CC2D1A: variants seen among roughly 807,000 people sequenced by gnomAD.
The protein encoded by CC2D1A is coiled-coil and C2 domain-containing protein 1A.
CC2D1A carries 68 observed loss-of-function variants against 123.8 expected under a neutral mutation model. The observed-to-expected ratio is 0.55, with a 90% CI of 0.45 to 0.67. The LOEUF is 0.67. CC2D1A is among the 30% of genes least tolerant of loss of function. CC2D1A has a pLI of 0.00. For missense variants in CC2D1A, 1,185 were observed against 1,290.3 expected, an observed-to-expected ratio of 0.92 and a Z score of 1.25; for synonymous variants, 477 against 528.0, an observed-to-expected ratio of 0.90 and a Z score of 1.32.
chr19:13,906,569 C>A lies in CC2D1A; in HGVS notation c.60+68C>A. 9.4e-7 allele frequency: 1 copy of A among 1,061,204 alleles called. No individual in the cohort carries two copies. Among genetic ancestry groups the A allele is most frequent in the Non-Finnish European group, 1.3e-6 (1 of 777,176 alleles). 65.7% of individuals were successfully genotyped at this position (1,061,204 alleles called of 1,614,324 possible). The stretch of plus-strand genomic sequence containing the variant: ...CCCCCGTCACTCGCTCAGGGAAGGG[C>A]CCCACCCCCCAGGGAAGCCCGATCT... On this transcript the variant is annotated intron_variant, in intron 1 of 28. Coordinates refer to ENST00000318003, the MANE Select transcript of CC2D1A (RefSeq NM_017721.5). The surrounding 1 kb of genome is among the most constrained non-coding windows in gnomAD (Gnocchi z 4.1).
chr19:13,913,190 C>A lies in CC2D1A; in HGVS notation c.401C>A (p.Pro134Gln). Residue 134 changes from proline (P) to glutamine (Q), a missense_variant, in exon 5 of 29, where the codon CCG (proline) becomes CAG (glutamine). Physicochemically the swap from Pro to Gln is moderately conservative, Grantham distance 76. Coordinates refer to ENST00000318003, the MANE Select transcript of CC2D1A (RefSeq NM_017721.5). ...CAGCCGAAGCCTGAGGCCCCTCATC[C>A]GGGGCTGGAGACCACCTTGCAGGAG... ...VAQPKPEAPHPGLETTLQERL... is the reference protein window; with the variant it reads ...VAQPKPEAPHQGLETTLQERL... 6.2e-7 allele frequency: 1 copy of A among 1,612,018 alleles called. No individual in the cohort carries two copies. Among genetic ancestry groups the A allele is most frequent in the South Asian group, 1.1e-5 (1 of 90,804 alleles).
chr19:13,926,252 C>T (rs1476004408), intron 17 of CC2D1A, among the ~76,000 whole-genome samples: 1 of 151,726 alleles, frequency 6.6e-6, no homozygotes, highest in Admixed American at 6.6e-5. Context: ...GAATATCACC[C>T]AGCAGCTAGG....
At position 13,930,293 on chromosome 19, in the gene CC2D1A, A is replaced by G; in HGVS notation, c.2835+4A>G. On this transcript the variant is annotated splice_donor_region_variant and intron_variant, in intron 28 of 28. Transcript: ENST00000318003. The surrounding 1 kb of genome is among the most constrained non-coding windows in gnomAD (Gnocchi z 6.8). ...GCGGAATCTGGTAGAGAGTGAGGTA[A>G]GCAGCTTAGGAGATGGGGTGGTTGG... 6.2e-7 allele frequency: 1 copy of G among 1,613,864 alleles called. No homozygotes were observed. Among genetic ancestry groups the G allele is most frequent in the Non-Finnish European group, 8.5e-7 (1 of 1,179,854 alleles).
At chr19:13,909,981 A>G in intron 2 of CC2D1A, 23 bp downstream of exon 2, 1 of 1,503,162 alleles carries the variant, frequency 6.7e-7, no homozygotes, top group South Asian at 1.4e-5. Flanking sequence ...ACACACCCTC[A>G]GAACATTTTC....
Position 13,913,546 on chromosome 19 carries a change from C to T in CC2D1A, c.656C>T (p.Ala219Val), listed in dbSNP as rs773188635. The stretch of plus-strand genomic sequence containing the variant: ...CCCACCCAGCCGGCCCCTAGAATCG[C>T]GTCAGCCCCAGAGCCCAGGGTCACC... ...PAPTQPAPRI[A>V]SAPEPRVTLE... Residue 219 changes from alanine to valine, a missense_variant, in exon 6 of 29, where the codon GCG becomes GTG. Physicochemically the swap from Ala to Val is moderately conservative, Grantham distance 64. Coordinates refer to ENST00000318003, the MANE Select transcript of CC2D1A (RefSeq NM_017721.5). 4.3e-6 allele frequency: 7 copies of T among 1,614,032 alleles called. No individual in the cohort carries two copies. Among genetic ancestry groups the T allele is most frequent in the Admixed American group, 1.7e-5 (1 of 60,006 alleles).
rs1487925345 is a variant in CC2D1A at position 13,923,330 on chromosome 19, C to G, written c.1642-3C>G. 1 of 1,603,868 alleles carries G rather than the reference C, an allele frequency of 6.2e-7. No homozygotes were observed. The highest frequency in any genetic ancestry group is 8.5e-7 in the Non-Finnish European group (1 of 1,178,700). On this transcript the variant is annotated splice_region_variant and splice_polypyrimidine_tract_variant and intron_variant, in intron 14 of 28. Transcript: ENST00000318003. This position sits in a 1 kb window ranked among gnomAD's most constrained non-coding sequence, Gnocchi z 5.3. Reference sequence around the variant, plus strand: ...CCCCCGCCACCAGCCTCGTCCTCCCCAGGTGCCGCCTGCCCCTGTCAACAA... The same window carrying G: ...CCCCCGCCACCAGCCTCGTCCTCCCGAGGTGCCGCCTGCCCCTGTCAACAA...
Position 13,906,410 on chromosome 19 carries a change from G to C in CC2D1A, c.-32G>C, listed in dbSNP as rs1234001089. The C allele has an allele frequency of 1.3e-6, 2 of 1,503,162 alleles. No individual in the cohort carries two copies. The highest frequency in any genetic ancestry group is 1.8e-6 in the Non-Finnish European group (2 of 1,127,242). The allele number at this position is 1,503,162 out of a possible 1,614,324, so 93.1% of individuals were successfully genotyped here. On this transcript the variant is annotated 5_prime_UTR_variant, in exon 1 of 29. Transcript: ENST00000318003. The surrounding 1 kb of genome is among the most constrained non-coding windows in gnomAD (Gnocchi z 4.1). ...AGGAGGCAGGGCAAGGCCGGGCTTGGGGGCAGGTGGTCCGGGCATCCAGCC... is the reference window on the plus strand; with the variant it reads ...AGGAGGCAGGGCAAGGCCGGGCTTGCGGGCAGGTGGTCCGGGCATCCAGCC...
At position 13,928,014 on chromosome 19, in the gene CC2D1A, C is replaced by G; in HGVS notation, c.2438C>G (p.Pro813Arg). The change falls in exon 23 of 29, where the codon CCG becomes CGG. Residue 813 changes from proline (P) to arginine (R), a missense_variant. By Grantham distance (103) the Pro-to-Arg change is moderately radical. Transcript: ENST00000318003. ...AGGTGGCTGGTCATTGACCCTGTGC[C>G]GGCAGCTGTGCCCACAGTGAGACCC... is the stretch of plus-strand genomic sequence containing the variant. ...TERWLVIDPV[P>R]AAVPTQVAGP... 1 of 1,613,590 alleles carries G rather than the reference C, an allele frequency of 6.2e-7. No individual in the cohort carries two copies. The highest frequency in any genetic ancestry group is 8.5e-7 in the Non-Finnish European group (1 of 1,179,844).
chr19:13,926,119 C>T (rs952727351), intron 17 of CC2D1A, among the ~76,000 whole-genome samples: 3 of 148,726 alleles, frequency 2.0e-5, no homozygotes, highest in Non-Finnish European at 3.0e-5. Context: ...GGTCCCCCAG[C>T]AGCTGGGGTA....
intron 22 of CC2D1A, 61 bp from the exon 23 acceptor site, chr19:13,927,831 TG>T: frequency 6.5e-7 from 1 of 1,533,466 alleles, no homozygotes; most frequent in Non-Finnish European, 8.9e-7. Context: ...TCCCTTGTCC[TG>T]GCCCTGGGCC....
intron 14 of CC2D1A, among the ~76,000 whole-genome samples, chr19:13,922,032 C>T (rs534245877): frequency 3.9e-5 from 6 of 152,296 alleles, no homozygotes; most frequent in South Asian, 4.1e-4. Context: ...GACGGAGTCT[C>T]GCCCTGTCAT....
intron 2 of CC2D1A, 45 bp from the exon 3 acceptor site, chr19:13,912,278 T>C (rs962878611): frequency 1.3e-6 from 2 of 1,532,960 alleles, no homozygotes; most frequent in Admixed American, 4.1e-5. Context: ...ATGGGGGCTC[T>C]TGGTGTACGA....
In CC2D1A at chr19:13,913,873, T is replaced by G. The variant is rs546816584; in HGVS notation, c.748+235T>G. 3.1e-4 allele frequency among the ~76,000 whole-genome samples: 47 copies of G among 152,300 alleles called. 1 individual carries two copies. Among genetic ancestry groups the G allele is most frequent in the African/African-American group, 9.4e-4 (39 of 41,566 alleles). On this transcript the variant is annotated intron_variant, in intron 6 of 28. Transcript: ENST00000318003. ...ATAAAATATAGATCACATTTGCCAT[T>G]AAAAATTATTTTAGTTCTTTTTTTT...
chr19:13,919,174 G>A lies in CC2D1A; in HGVS notation c.1194G>A (p.Val398=). The A allele has an allele frequency of 6.2e-7, 1 of 1,612,970 alleles. No homozygotes were observed. ...GAGCCCACAAGGCTGGCCGAGCCGT[G>A]GATGTCGCTGAATTGCCCGTGCCCC... is the stretch of plus-strand genomic sequence containing the variant. ...AIRAHKAGRA[V]DVAELPVPPG... is the part of the protein sequence containing the mutation. The change falls in exon 11 of 29, where the codon GTG becomes GTA. Residue 398 remains valine, a synonymous_variant. Coordinates refer to ENST00000318003, the MANE Select transcript of CC2D1A (RefSeq NM_017721.5).
rs527920434 is a variant in CC2D1A at position 13,924,215 on chromosome 19, GGCTGGAGTGCAGGGGTGTGATCT to G, written c.1940+405_1940+427del. Among the ~76,000 whole-genome samples the G allele has an allele frequency of 7.0e-3, 1,065 of 152,098 alleles. 7 individuals are homozygous for G. Among genetic ancestry groups the G allele is most frequent in the Non-Finnish European group, 0.012 (827 of 67,990 alleles). On this transcript the variant is annotated intron_variant, in intron 17 of 28. Coordinates refer to ENST00000318003, the MANE Select transcript of CC2D1A (RefSeq NM_017721.5). ...AGACAGAGTCTCACTCTGTTGCCCA[GGCTGGAGTGCAGGGGTGTGATCT>G]CTGCTCACTGCAAGCTCCACCTCCT... is the stretch of plus-strand genomic sequence containing the variant.
At chr19:13,918,608 T>C in intron 8 of CC2D1A, 32 bp downstream of exon 8, 1 of 1,608,698 alleles carries the variant, frequency 6.2e-7, no homozygotes, top group Non-Finnish European at 8.5e-7. Flanking sequence ...CTCTCTGGGA[T>C]GGTTTCAGGC....
rs1971842171 is a variant in CC2D1A, at chr19:13,930,075, C to T, written c.2711-3C>T. 1.9e-6 allele frequency: 3 copies of T among 1,612,676 alleles called. No homozygotes were observed. Among genetic ancestry groups the T allele is most frequent in the South Asian group, 1.1e-5 (1 of 90,968 alleles). ...CCTCCATTCCCCCGCCATCCATTCT[C>T]AGAATACGCAGCCCAGCTGGAGCGG... is the stretch of plus-strand genomic sequence containing the variant. On this transcript the variant is annotated splice_polypyrimidine_tract_variant and splice_region_variant and intron_variant, in intron 26 of 28. Transcript: ENST00000318003. This position sits in a 1 kb window ranked among gnomAD's most constrained non-coding sequence, Gnocchi z 6.8.
intron 6 of CC2D1A, among the ~76,000 whole-genome samples, chr19:13,914,660 CAG>C (rs1265989938): frequency 2.8e-5 from 4 of 144,934 alleles, no homozygotes; most frequent in East Asian, 4.1e-4. Flanking sequence ...TTTTTTGAAA[CAG>C]AGTCTCACTC....
chr19:13,923,624 T>TG lies in CC2D1A; in HGVS notation c.1823+19dup. Reference sequence around the variant, plus strand: ...ACCACCAAGTAAGTGCCCTGACCTGTGCCAGACACTTGCACCCCCAGCCAC... The same window carrying TG: ...ACCACCAAGTAAGTGCCCTGACCTGTGGCCAGACACTTGCACCCCCAGCCAC... On this transcript the variant is annotated intron_variant, in intron 16 of 28. Transcript: ENST00000318003. This position sits in a 1 kb window ranked among gnomAD's most constrained non-coding sequence, Gnocchi z 5.3. 1 of 1,614,008 alleles carries TG rather than the reference T, an allele frequency of 6.2e-7. No individual in the cohort carries two copies. Among genetic ancestry groups the TG allele is most frequent in the Non-Finnish European group, 8.5e-7 (1 of 1,179,918 alleles).
Sources: allele counts gnomAD v4.1 joint callset (sites outside exome capture counted in the v4.1 genomes callset), GRCh38; gene constraint gnomAD v4.1.1; non-coding constraint Gnocchi (gnomAD v3.1); transcripts MANE v1.5; gene names NCBI Gene and HGNC (gene_info 2026-07-23, HGNC 2026-07-21).